Variants in ARL2 observed in about 807,000 individuals in gnomAD.
ARL2 encodes the protein ADP-ribosylation factor-like protein 2.
ARL2 carries 11 observed loss-of-function variants against 22.0 expected under a neutral mutation model. The observed-to-expected ratio is 0.50, with a 90% CI of 0.31 to 0.83. The LOEUF is 0.83. Among genes scored for constraint, ARL2 ranks in the 40% least tolerant of loss-of-function variants. The pLI, the probability that ARL2 is intolerant of heterozygous loss-of-function variation, is 0.04. For missense variants in ARL2, 216 were observed against 243.2 expected, an observed-to-expected ratio of 0.89 and a Z score of 0.74; for synonymous variants, 111 against 100.8, an observed-to-expected ratio of 1.10 and a Z score of -0.61.
At chr11:65,016,743 T>A (rs1590729430) in intron 1 of ARL2, among the ~76,000 whole-genome samples, 1 of 151,048 alleles carries the variant, frequency 6.6e-6, no homozygotes, top group Non-Finnish European at 1.5e-5. Context: ...GTGTGGGAGG[T>A]GCACATTTGG....
At chr11:65,020,120 G>A (rs1447618403) in intron 3 of ARL2, among the ~76,000 whole-genome samples, 1 of 152,190 alleles carries the variant, frequency 6.6e-6, no homozygotes, top group Non-Finnish European at 1.5e-5. Context: ...GAGAGCTCAG[G>A]GATCATCTTA....
Position 65,018,779 on chromosome 11 carries a change from C to T in ARL2, c.339+46C>T, listed in dbSNP as rs765580189. On this transcript the variant is annotated intron_variant, in intron 3 of 4. Transcript: ENST00000246747. The surrounding 1 kb of genome is among the most constrained non-coding windows in gnomAD (Gnocchi z 4.2). ...GTGTACATGTATGGACGTGTGGCTG[C>T]CTTCTCAGCAGATGCCCAGAGGGGC... is the stretch of plus-strand genomic sequence containing the variant. 6.2e-7 allele frequency: 1 copy of T among 1,608,868 alleles called. No homozygotes were observed. Among genetic ancestry groups the T allele is most frequent in the Non-Finnish European group, 8.5e-7 (1 of 1,179,322 alleles).
chr11:65,020,000 T>C (rs1457031769), intron 3 of ARL2, among the ~76,000 whole-genome samples: 1 of 152,166 alleles, frequency 6.6e-6, no homozygotes, highest in Non-Finnish European at 1.5e-5. Context: ...AGGTGGACAG[T>C]GAGGCCTGTC....
At position 65,020,697 on chromosome 11, in the gene ARL2, C is replaced by T. The variant is rs532428893; in HGVS notation, c.420+198C>T. 5 of 568,740 alleles carry T rather than the reference C, an allele frequency of 8.8e-6. No homozygotes were observed. In the East Asian group the frequency reaches 1.3e-4, roughly 15 times the overall value. 35.2% of individuals were successfully genotyped at this position (568,740 alleles called of 1,614,324 possible). A position where few individuals can be genotyped will look rare whatever the true frequency, so the allele number is the denominator to read the frequency against. ...CAGCCTGACCAACATGATGAAACCC[C>T]GTCTGTACTAAAAATACAAAAATTA... On this transcript the variant is annotated intron_variant, in intron 4 of 4. Transcript: ENST00000246747.
At chr11:65,019,083 T>C in intron 3 of ARL2, 1 of 576,042 alleles carries the variant, frequency 1.7e-6, no homozygotes, top group African/African-American at 1.9e-5. Flanking sequence ...CTTTGCTGTG[T>C]GACCTCAGCT....
Position 65,018,977 on chromosome 11 carries a change from T to C in ARL2, c.339+244T>C. On this transcript the variant is annotated intron_variant, in intron 3 of 4. Transcript: ENST00000246747. The surrounding 1 kb of genome is among the most constrained non-coding windows in gnomAD (Gnocchi z 4.2). The stretch of plus-strand genomic sequence containing the variant: ...CATCAGTTTCTATGCCTTGAAATGG[T>C]GATGATGACACCCACATCACTGGGC... 1 of 1,470,330 alleles carries C rather than the reference T, an allele frequency of 6.8e-7. No individual in the cohort carries two copies. Among genetic ancestry groups the C allele is most frequent in the Middle Eastern group, 1.8e-4 (1 of 5,706 alleles). The allele number at this position is 1,470,330 out of a possible 1,614,324, so 91.1% of individuals were successfully genotyped here. A position where few individuals can be genotyped will look rare whatever the true frequency, so the allele number is the denominator to read the frequency against.
chr11:65,018,626 C>A lies in ARL2; in HGVS notation c.232C>A (p.Arg78=), dbSNP rs1427174815. ...CCAGAAGTCCCTGCGGTCCTACTGG[C>A]GGAACTACTTTGAGAGCACCGATGG... ...GGQKSLRSYW[R]NYFESTDGLI... The change falls in exon 3 of 5, where the codon CGG becomes AGG. Residue 78 remains arginine, a synonymous_variant. Coordinates refer to ENST00000246747, the MANE Select transcript of ARL2 (RefSeq NM_001667.4). This position sits in a 1 kb window ranked among gnomAD's most constrained non-coding sequence, Gnocchi z 4.2. 1 of 1,613,684 alleles carries A rather than the reference C, an allele frequency of 6.2e-7. No homozygotes were observed. Among genetic ancestry groups the A allele is most frequent in the African/African-American group, 1.3e-5 (1 of 74,908 alleles).
intron 1 of ARL2, among the ~76,000 whole-genome samples, 191 bp downstream of exon 1, chr11:65,014,463 C>T (rs778888472): frequency 7.2e-4 from 109 of 152,328 alleles, no homozygotes; most frequent in Non-Finnish European, 1.1e-3. Context: ...CAGGGGCCAG[C>T]TCCGAGGGCC....
rs75332988 is a variant in ARL2, at chr11:65,021,787, G to C, written c.487G>C (p.Glu163Gln). The C allele has an allele frequency of 3.1e-5, 50 of 1,613,174 alleles. No individual in the cohort carries two copies. The highest frequency in any genetic ancestry group is 4.1e-5 in the Non-Finnish European group (48 of 1,179,960). ...CIQGCSAVTG[E>Q]NLLPGIDWLL... ...CCAGGGCTGCAGCGCCGTCACCGGG[G>C]AGAACCTGCTGCCGGGCATCGACTG... The change falls in exon 5 of 5, where the codon GAG becomes CAG. Residue 163 changes from glutamate to glutamine, a missense_variant. Physicochemically the swap from Glu to Gln is conservative, Grantham distance 29. Coordinates refer to ENST00000246747, the MANE Select transcript of ARL2 (RefSeq NM_001667.4).
At chr11:65,017,493 G>A (rs1946272144) in intron 1 of ARL2, among the ~76,000 whole-genome samples, 1 of 152,126 alleles carries the variant, frequency 6.6e-6, no homozygotes, top group South Asian at 2.1e-4. Flanking sequence ...ACCGCGCCCG[G>A]CCTATTTGCT....
intron 1 of ARL2, 69 bp downstream of exon 1, chr11:65,014,341 C>T (rs1946221727): frequency 2.2e-6 from 3 of 1,365,688 alleles, no homozygotes; most frequent in Non-Finnish European, 2.9e-6. Context: ...CGGGCGCCCC[C>T]TGTCGGGAGC....
At position 65,018,658 on chromosome 11, in the gene ARL2, C is replaced by T. The variant is rs763847712; in HGVS notation, c.264C>T (p.Ile88=). ...ACTTTGAGAGCACCGATGGCCTCAT[C>T]TGGGTAGTGGACAGCGCAGACCGCC... is the stretch of plus-strand genomic sequence containing the variant. ...RNYFESTDGL[I]WVVDSADRQR... Residue 88 remains isoleucine (I), a synonymous_variant, in exon 3 of 5, where the codon ATC becomes ATT. Transcript: ENST00000246747. This position sits in a 1 kb window ranked among gnomAD's most constrained non-coding sequence, Gnocchi z 4.2. 27 of 1,614,100 alleles carry T rather than the reference C, an allele frequency of 1.7e-5. No individual in the cohort carries two copies. In the Admixed American group the frequency reaches 4.3e-4, roughly 26 times the overall value.
chr11:65,014,358 C>A, intron 1 of ARL2, 86 bp downstream of exon 1: 3 of 1,181,524 alleles, frequency 2.5e-6, no homozygotes, highest in Non-Finnish European at 3.5e-6. Context: ...GAGCGGAACG[C>A]GGCGGCCGGC....
At chr11:65,020,289 C>A in intron 3 of ARL2, 130 bp from the exon 4 acceptor site, 1 of 779,480 alleles carries the variant, frequency 1.3e-6, no homozygotes, top group Non-Finnish European at 2.2e-6. Context: ...TCCTGGGCCT[C>A]TCCCACCACC....
intron 1 of ARL2, among the ~76,000 whole-genome samples, chr11:65,016,204 T>TC (rs1946251392): frequency 1.0e-4 from 2 of 19,108 alleles, no homozygotes; most frequent in South Asian, 4.0e-3. Context: ...CGAAACTCTG[T>TC]TAAAAAAAAA....
rs1195039630 is a variant in ARL2 at position 65,021,817 on chromosome 11, C to A, written c.517C>A (p.Leu173Met). Residue 173 changes from leucine (L) to methionine (M), a missense_variant, in exon 5 of 5, where the codon CTG (leucine) becomes ATG (methionine). Coordinates refer to ENST00000246747, the MANE Select transcript of ARL2 (RefSeq NM_001667.4). ...CCTGCTGCCGGGCATCGACTGGCTC[C>A]TGGATGACATTTCCAGCCGCATTTT... ...ENLLPGIDWLLDDISSRIFTA... is the reference protein window; with the variant it reads ...ENLLPGIDWLMDDISSRIFTA... 2 of 1,613,548 alleles carry A rather than the reference C, an allele frequency of 1.2e-6. No individual in the cohort carries two copies. Among genetic ancestry groups the A allele is most frequent in the Admixed American group, 3.3e-5 (2 of 60,014 alleles).
Position 65,020,435 on chromosome 11 carries a change from CCCT to C in ARL2, c.361_363del (p.Leu121del). On this transcript the variant is annotated inframe_deletion, in exon 4 of 5. Transcript: ENST00000246747. ...CTCCCCCAGCGCCTGGCCGGAGCAA[CCCT>C]CCTCATCTTTGCTAATAAGCAGGAC... is the stretch of plus-strand genomic sequence containing the variant. 6.2e-7 allele frequency: 1 copy of C among 1,613,114 alleles called. No homozygotes were observed. Among genetic ancestry groups the C allele is most frequent in the Non-Finnish European group, 8.5e-7 (1 of 1,179,606 alleles).
At chr11:65,016,894 T>A (rs1946263285) in intron 1 of ARL2, among the ~76,000 whole-genome samples, 1 of 152,086 alleles carries the variant, frequency 6.6e-6, no homozygotes, top group Non-Finnish European at 1.5e-5. Flanking sequence ...TGTGTCCCAG[T>A]GCCAAGGGCA....
chr11:65,016,951 T>C (rs1422518724), intron 1 of ARL2, among the ~76,000 whole-genome samples: 1 of 151,658 alleles, frequency 6.6e-6, no homozygotes, highest in Non-Finnish European at 1.5e-5. Context: ...AGGTGCTGAG[T>C]GGGGAACAGA....
Sources: gnomAD v4.1 joint callset for allele counts (sites outside exome capture counted in the v4.1 genomes callset) on GRCh38, gnomAD v4.1.1 for gene constraint, Gnocchi (gnomAD v3.1) non-coding constraint, MANE v1.5 for transcripts, NCBI Gene and HGNC (gene_info 2026-07-23, HGNC 2026-07-21) for gene names.